Variants in CTIF observed in about 807,000 individuals in gnomAD.
CTIF encodes the protein CBP80/20-dependent translation initiation factor.
CTIF carries 21 observed loss-of-function variants against 66.0 expected under a neutral mutation model. The ratio of observed to expected loss-of-function variants is 0.32; its 90% CI spans 0.23 to 0.46. The LOEUF (loss-of-function observed/expected upper bound fraction) is 0.46, where lower values mean the gene tolerates loss of function less well. Ranked by LOEUF, CTIF falls within the 20% of genes least tolerant of loss-of-function variation. The pLI is 1.00. For synonymous variants in CTIF, 345 were observed against 326.4 expected, an observed-to-expected ratio of 1.06 and a Z score of -0.62; for missense variants, 739 against 812.7, an observed-to-expected ratio of 0.91 and a Z score of 1.10.
intron 6 of CTIF, among the ~76,000 whole-genome samples, chr18:48,686,753 G>T (rs2091847862): frequency 6.6e-6 from 1 of 152,122 alleles, no homozygotes; most frequent in African/African-American, 2.4e-5. Context: ...CCTGAGCCTT[G>T]CCTCTCCTGG....
At chr18:48,701,296 A>C (rs2092080978) in intron 6 of CTIF, among the ~76,000 whole-genome samples, 1 of 152,038 alleles carries the variant, frequency 6.6e-6, no homozygotes, top group Non-Finnish European at 1.5e-5. Flanking sequence ...TTCAGTTCAG[A>C]AGTGTGTCCA....
intron 2 of CTIF, among the ~76,000 whole-genome samples, chr18:48,630,326 G>A (rs2090680671): frequency 1.3e-5 from 2 of 152,222 alleles, no homozygotes; most frequent in Non-Finnish European, 2.9e-5. Flanking sequence ...CATGTTGCAA[G>A]TAGCTTCTCA....
At chr18:48,604,775 T>C (rs1193399770) in intron 1 of CTIF, among the ~76,000 whole-genome samples, 1 of 152,224 alleles carries the variant, frequency 6.6e-6, no homozygotes, top group Non-Finnish European at 1.5e-5. Context: ...ATCACCCCCT[T>C]GTCTCCCTGC....
rs573136680 is a variant in CTIF at position 48,592,279 on chromosome 18, G to A, written c.-28-27259G>A. 1.4e-3 allele frequency among the ~76,000 whole-genome samples: 219 copies of A among 152,160 alleles called. 1 individual carries two copies. Among genetic ancestry groups the A allele is most frequent in the African/African-American group, 5.0e-3 (208 of 41,498 alleles). ...AGCACTTTGGGAGACTGAGGTGGGC[G>A]GATCAACTGAGGTTGGGAGTTTGAG... On this transcript the variant is annotated intron_variant, in intron 1 of 11. Coordinates refer to ENST00000256413, the MANE Select transcript of CTIF (RefSeq NM_014772.3).
chr18:48,852,927 A>G (rs2069241263), intron 10 of CTIF, among the ~76,000 whole-genome samples: 1 of 152,198 alleles, frequency 6.6e-6, no homozygotes, highest in Admixed American at 6.5e-5. Context: ...CGCATCGATA[A>G]TAATTCTGTG....
At chr18:48,675,841 G>A (rs572956100) in intron 6 of CTIF, among the ~76,000 whole-genome samples, 2 of 152,344 alleles carry the variant, frequency 1.3e-5, no homozygotes, top group East Asian at 3.9e-4. Context: ...GATGGGGGCT[G>A]GCTAAGTGGG....
intron 1 of CTIF, among the ~76,000 whole-genome samples, chr18:48,592,844 G>T (rs142328663): frequency 1.3e-5 from 2 of 152,320 alleles, no homozygotes; most frequent in African/African-American, 4.8e-5. Context: ...TAGCTCCTTG[G>T]GCCCCAGGGA....
chr18:48,654,566 T>C (rs371748429), intron 3 of CTIF, among the ~76,000 whole-genome samples: 59 of 152,338 alleles, frequency 3.9e-4, no homozygotes, highest in South Asian at 1.2e-3. Context: ...GACAGTGTGG[T>C]GATTCCTCAA....
intron 1 of CTIF, among the ~76,000 whole-genome samples, chr18:48,600,479 C>T (rs1169619523): frequency 2.0e-5 from 3 of 152,134 alleles, no homozygotes; most frequent in African/African-American, 7.2e-5. Context: ...ACTCTGTCTT[C>T]TCCTTGCCAC....
intron 10 of CTIF, among the ~76,000 whole-genome samples, chr18:48,851,105 G>A (rs759816696): frequency 1.3e-5 from 2 of 152,250 alleles, no homozygotes; most frequent in African/African-American, 4.8e-5. Flanking sequence ...CTCTAGGGTT[G>A]AGAACCCGCC....
chr18:48,664,453 C>T lies in CTIF; in HGVS notation c.333C>T (p.Ala111=), dbSNP rs2091400487. 1.9e-6 allele frequency: 3 copies of T among 1,613,576 alleles called. No individual in the cohort carries two copies. The highest frequency in any genetic ancestry group is 1.3e-5 in the African/African-American group (1 of 75,036). ...AANTFDSFSG[A]TWDLQPEKLD... is the part of the protein sequence containing the mutation. The stretch of plus-strand genomic sequence containing the variant: ...ACCCTCCCTCGCCCTCTAGTGGTGC[C>T]ACCTGGGACCTGCAGCCGGAAAAGC... Residue 111 remains alanine (A), a synonymous_variant, in exon 5 of 12, where the codon GCC becomes GCT. Transcript: ENST00000256413.
At chr18:48,846,908 T>G (rs2069092802) in intron 10 of CTIF, among the ~76,000 whole-genome samples, 1 of 151,906 alleles carries the variant, frequency 6.6e-6, no homozygotes, top group Admixed American at 6.6e-5. Flanking sequence ...AAAGGGTGGA[T>G]GAGTGGATGG....
Position 48,793,173 on chromosome 18 carries a change from C to T in CTIF, c.1372-24048C>T, listed in dbSNP as rs138678897. 6.6e-5 allele frequency among the ~76,000 whole-genome samples: 10 copies of T among 152,270 alleles called. No individual in the cohort carries two copies. In the Middle Eastern group the frequency reaches 0.014, roughly 207 times the overall value. ...TCAGCCTCTGCCCCCTCCCTGGGAT[C>T]CCCTTGCAGGCTAGCACAAGGGAGG... On this transcript the variant is annotated intron_variant, in intron 9 of 11. Transcript: ENST00000256413.
chr18:48,640,386 G>A (rs891742093), intron 3 of CTIF, among the ~76,000 whole-genome samples: 2 of 152,228 alleles, frequency 1.3e-5, no homozygotes, highest in Admixed American at 6.5e-5. Flanking sequence ...GTACTCAGTA[G>A]GCACTCAATA....
At chr18:48,639,406 T>A (rs1598784757) in intron 3 of CTIF, among the ~76,000 whole-genome samples, 2 of 152,146 alleles carry the variant, frequency 1.3e-5, no homozygotes, top group African/African-American at 4.8e-5. Context: ...TGTAAAAAAA[T>A]GCACCCTGCA....
chr18:48,615,810 C>A (rs2090388899), intron 1 of CTIF, among the ~76,000 whole-genome samples: 1 of 152,186 alleles, frequency 6.6e-6, no homozygotes, highest in South Asian at 2.1e-4. Flanking sequence ...CGCTGGGCTA[C>A]CCCATGTGAA....
chr18:48,842,572 C>T (rs1362072060), intron 10 of CTIF, among the ~76,000 whole-genome samples: 3 of 152,130 alleles, frequency 2.0e-5, no homozygotes, highest in Admixed American at 2.0e-4. Flanking sequence ...GACTCTCAGA[C>T]TTACTGCTGG....
At chr18:48,541,334 G>A (rs2088612834) in intron 1 of CTIF, among the ~76,000 whole-genome samples, 1 of 152,084 alleles carries the variant, frequency 6.6e-6, no homozygotes, top group Non-Finnish European at 1.5e-5. Flanking sequence ...CCGCCGGCTC[G>A]GCCGCGGCTA....
At chr18:48,734,822 C>T (rs920823316) in intron 7 of CTIF, among the ~76,000 whole-genome samples, 8 of 152,166 alleles carry the variant, frequency 5.3e-5, no homozygotes, top group South Asian at 2.1e-4. Flanking sequence ...GAATGCTTCT[C>T]GCAAGCCTAG....
Sources: gnomAD v4.1 joint callset for allele counts (sites outside exome capture counted in the v4.1 genomes callset) on GRCh38, gnomAD v4.1.1 for gene constraint, MANE v1.5 for transcripts, NCBI Gene and HGNC (gene_info 2026-07-23, HGNC 2026-07-21) for gene names.